The following KALRN variants were observed in gnomAD, a reference collection of about 807,000 sequenced individuals.
KALRN encodes kalirin.
Under a neutral mutation model 353.7 loss-of-function variants are expected in KALRN, and 70 were observed. That is an observed-to-expected ratio of 0.20 (90% CI 0.16 to 0.24). The LOEUF (loss-of-function observed/expected upper bound fraction) is 0.24. Among genes scored for constraint, KALRN ranks in the 10% least tolerant of loss-of-function variants. The pLI is 1.00. For synonymous variants in KALRN, 1,391 were observed against 1,434.8 expected (o/e 0.97, Z 0.69); for missense variants, 2,791 against 3,756.7 (o/e 0.74, Z 6.72).
chr3:124,374,976 G>A (rs1306387831), intron 10 of KALRN, among the ~76,000 whole-genome samples: 7 of 152,092 alleles, frequency 4.6e-5, no homozygotes, highest in Admixed American at 4.6e-4. Flanking sequence ...GGGGTCACTG[G>A]GCAGTCTATG....
At chr3:124,579,603 C>A (rs2074433262) in intron 34 of KALRN, among the ~76,000 whole-genome samples, 1 of 152,108 alleles carries the variant, frequency 6.6e-6, no homozygotes, top group Non-Finnish European at 1.5e-5. Flanking sequence ...AGGAATAAAG[C>A]TTTAGGAAGA....
chr3:124,434,301 G>T lies in KALRN; in HGVS notation c.2830-6G>T. On this transcript the variant is annotated splice_region_variant and splice_polypyrimidine_tract_variant and intron_variant, in intron 16 of 59. Coordinates refer to ENST00000682506, the MANE Select transcript of KALRN (RefSeq NM_001388419.1). ...ACGGACCTTTCTCTCCTCTCCTTGT[G>T]CCCAGTCCCTCTTTCATGCCACTTC... 6.2e-7 allele frequency: 1 copy of T among 1,611,692 alleles called. No homozygotes were observed.
chr3:124,511,314 C>A (rs562886973), intron 33 of KALRN, among the ~76,000 whole-genome samples: 33 of 152,182 alleles, frequency 2.2e-4, no homozygotes, highest in Non-Finnish European at 4.4e-4. Flanking sequence ...TATGACATAA[C>A]TGCATTTGGA....
At chr3:124,498,369 G>A (rs949307450) in intron 33 of KALRN, among the ~76,000 whole-genome samples, 5 of 152,142 alleles carry the variant, frequency 3.3e-5, no homozygotes, top group African/African-American at 4.8e-5. Flanking sequence ...TCAATAGCCA[G>A]GTCATTGAGC....
chr3:124,065,470 A>G (rs2042276275), intron 1 of KALRN, among the ~76,000 whole-genome samples: 1 of 152,198 alleles, frequency 6.6e-6, no homozygotes, highest in South Asian at 2.1e-4. Flanking sequence ...ATATTGTAGT[A>G]TTTATGGGTG....
intron 5 of KALRN, among the ~76,000 whole-genome samples, chr3:124,279,545 TGGA>T (rs1465788075): frequency 6.6e-6 from 1 of 152,112 alleles, no homozygotes; most frequent in Non-Finnish European, 1.5e-5. Context: ...CAGCAGAGCA[TGGA>T]GGTGAGGAAC....
intron 10 of KALRN, among the ~76,000 whole-genome samples, chr3:124,360,787 G>A (rs979878775): frequency 5.3e-5 from 8 of 152,158 alleles, no homozygotes; most frequent in East Asian, 1.9e-4. Flanking sequence ...CTGTGACACC[G>A]TGAGCAGGGT....
At chr3:124,236,227 T>C (rs1462002597) in intron 3 of KALRN, among the ~76,000 whole-genome samples, 1 of 152,154 alleles carries the variant, frequency 6.6e-6, no homozygotes, top group Admixed American at 6.5e-5. Flanking sequence ...ATTTGGGTTA[T>C]ATCTGAAGAA....
At chr3:124,518,954 T>C in intron 33 of KALRN, 2 of 990,718 alleles carry the variant, frequency 2.0e-6, no homozygotes, top group South Asian at 4.6e-5. Flanking sequence ...TATCCCCACA[T>C]CATGAGAAAG....
chr3:124,644,480 C>T (rs949400096), intron 37 of KALRN, among the ~76,000 whole-genome samples: 5 of 152,074 alleles, frequency 3.3e-5, no homozygotes, highest in Non-Finnish European at 5.9e-5. Context: ...TCCCCTAGCC[C>T]CCAACCCCCA....
At chr3:124,645,626 TTCTCTCTCTCTC>T (rs71145472) in intron 37 of KALRN, among the ~76,000 whole-genome samples, 7 of 133,552 alleles carry the variant, frequency 5.2e-5, no homozygotes, top group East Asian at 2.0e-4. Context: ...TGAATAATAT[TTCTCTCTCTCTC>T]TCTCTCTCTC....
chr3:124,213,037 T>C (rs1011745503), intron 1 of KALRN, among the ~76,000 whole-genome samples: 3 of 152,146 alleles, frequency 2.0e-5, no homozygotes, highest in African/African-American at 4.8e-5. Context: ...ATCTGACATA[T>C]AGTTTAAATT....
intron 57 of KALRN, among the ~76,000 whole-genome samples, chr3:124,710,556 T>A (rs1230128000): frequency 6.6e-6 from 1 of 152,080 alleles, no homozygotes; most frequent in African/African-American, 2.4e-5. Context: ...GAGGCCAAGG[T>A]GGGCGGATCG....
chr3:124,044,814 ATTCCTTCC>A (rs72090008), intron 1 of KALRN, among the ~76,000 whole-genome samples: 2 of 52,064 alleles, frequency 3.8e-5, no homozygotes, highest in East Asian at 7.0e-4. Context: ...ATGAACACTG[ATTCCTTCC>A]TTCCTTCCTT....
chr3:124,228,152 G>A (rs1579689042), intron 2 of KALRN, 88 bp downstream of exon 2: 1 of 1,048,636 alleles, frequency 9.5e-7, no homozygotes, highest in East Asian at 2.4e-5. Context: ...GTGTTAGTAG[G>A]GGAGAAGTAG....
At chr3:124,675,223 C>T (rs1040276190) in intron 49 of KALRN, 3 of 152,070 alleles carry the variant, frequency 2.0e-5, no homozygotes, top group African/African-American at 7.2e-5. Flanking sequence ...ACTTCTTTTC[C>T]TTATTTTGGT....
Position 124,279,023 on chromosome 3 carries a change from G to T in KALRN, c.969+9768G>T, listed in dbSNP as rs749882206. On this transcript the variant is annotated intron_variant, in intron 5 of 59. Coordinates refer to ENST00000682506, the MANE Select transcript of KALRN (RefSeq NM_001388419.1). ...GGTCCCTGTCCTGGCATCTCCTCAG[G>T]CCTGTCCTTACCTTTTGTGCACCTG... is the stretch of plus-strand genomic sequence containing the variant. Among the ~76,000 whole-genome samples the T allele has an allele frequency of 3.4e-4, 51 of 152,026 alleles. 1 individual carries two copies. Among genetic ancestry groups the T allele is most frequent in the Non-Finnish European group, 1.2e-4 (8 of 68,028 alleles).
intron 49 of KALRN, among the ~76,000 whole-genome samples, chr3:124,677,165 A>G (rs1206882144): frequency 5.9e-5 from 9 of 152,210 alleles, no homozygotes; most frequent in Non-Finnish European, 1.3e-4. Context: ...CCCTGTCTGC[A>G]TAGGCCCACC....
chr3:124,670,422 G>A (rs1207104025), intron 47 of KALRN, among the ~76,000 whole-genome samples: 1 of 152,224 alleles, frequency 6.6e-6, no homozygotes, highest in Non-Finnish European at 1.5e-5. Context: ...AGTGAGAGAG[G>A]CAGTGCTCTG....
Sources: gnomAD v4.1 joint callset for allele counts (sites outside exome capture counted in the v4.1 genomes callset) on GRCh38, gnomAD v4.1.1 for gene constraint, MANE v1.5 for transcripts, NCBI Gene and HGNC (gene_info 2026-07-23, HGNC 2026-07-21) for gene names.